The following VPS13B variants were observed in gnomAD, a reference collection of about 807,000 sequenced individuals.
VPS13B encodes intermembrane lipid transfer protein VPS13B.
A neutral mutation model predicts 426.4 loss-of-function variants in VPS13B; 285 were observed. The observed-to-expected ratio is 0.67, with a 90% CI of 0.61 to 0.74. The LOEUF (loss-of-function observed/expected upper bound fraction) is 0.74. Ranked by LOEUF, VPS13B falls within the 30% of genes least tolerant of loss-of-function variation. The probability of loss-of-function intolerance (pLI) is 0.00; values close to 1 mark genes in which losing one functional copy is unlikely to be tolerated. For synonymous variants in VPS13B, 1,676 were observed against 1,676.4 expected (o/e 1.00, Z 0.01); for missense variants, 4,537 against 4,782.6 (o/e 0.95, Z 1.51).
intron 31 of VPS13B, among the ~76,000 whole-genome samples, chr8:99,573,025 G>C (rs1237396845): frequency 6.6e-6 from 1 of 152,122 alleles, no homozygotes; most frequent in African/African-American, 2.4e-5. Context: ...TCTCATTGTG[G>C]TTTTGTTTTG....
At chr8:99,247,957 C>T (rs1817310410) in intron 17 of VPS13B, among the ~76,000 whole-genome samples, 2 of 152,006 alleles carry the variant, frequency 1.3e-5, no homozygotes, top group Non-Finnish European at 2.9e-5. Flanking sequence ...GGGAGGAAAA[C>T]GGAATAGGTT....
At position 99,657,988 on chromosome 8, in the gene VPS13B, A is replaced by G. The variant is rs1166840512; in HGVS notation, c.5909-3366A>G. 2.0e-5 allele frequency among the ~76,000 whole-genome samples: 3 copies of G among 152,186 alleles called. No homozygotes were observed. The East Asian group carries it at 5.8e-4, about 29-fold the overall frequency. On this transcript the variant is annotated intron_variant, in intron 34 of 61. Coordinates refer to ENST00000357162, the MANE Select transcript of VPS13B (RefSeq NM_152564.5). ...CAATTTTTTAAATTTATGCTAATCT[A>G]TGGAAGAAAAATTGTATTTCTTGTT...
intron 14 of VPS13B, among the ~76,000 whole-genome samples, chr8:99,153,903 T>G (rs1182679059): frequency 6.6e-6 from 1 of 151,852 alleles, no homozygotes; most frequent in Non-Finnish European, 1.5e-5. Flanking sequence ...TTTTTTTTTG[T>G]CTGAGAAAGT....
At chr8:99,663,794 ACACTT>A in intron 35 of VPS13B, among the ~76,000 whole-genome samples, 1 of 152,298 alleles carries the variant, frequency 6.6e-6, no homozygotes, top group South Asian at 2.1e-4. Flanking sequence ...GTTTTTAGGC[ACACTT>A]TGCTCATTTT....
intron 31 of VPS13B, among the ~76,000 whole-genome samples, chr8:99,574,980 G>A (rs1245661149): frequency 6.6e-6 from 1 of 152,000 alleles, no homozygotes; most frequent in Non-Finnish European, 1.5e-5. Flanking sequence ...CCTGGGCAAC[G>A]TGAGGAGACT....
intron 39 of VPS13B, among the ~76,000 whole-genome samples, chr8:99,743,872 C>T (rs1809905758): frequency 6.6e-6 from 1 of 152,038 alleles, no homozygotes; most frequent in Non-Finnish European, 1.5e-5. Context: ...CCATAAAAAC[C>T]CAGAAGAAAA....
rs1205319704 is a variant in VPS13B at position 99,134,948 on chromosome 8, C to T, written c.1303-67C>T. On this transcript the variant is annotated intron_variant, in intron 9 of 61. Transcript: ENST00000357162. ...ATGTTTAACTAATTTAGAGATTCTA[C>T]AAGGAAAGCCTCTAACATTTTTATT... 7 of 1,583,352 alleles carry T rather than the reference C, an allele frequency of 4.4e-6. No individual in the cohort carries two copies. The Admixed American group carries it at 5.1e-5, about 11-fold the overall frequency.
At chr8:99,713,475 A>C (rs984749402) in intron 36 of VPS13B, among the ~76,000 whole-genome samples, 3 of 152,228 alleles carry the variant, frequency 2.0e-5, no homozygotes, top group Non-Finnish European at 4.4e-5. Context: ...TCATAGAAAG[A>C]GGTTACAAAT....
intron 39 of VPS13B, among the ~76,000 whole-genome samples, chr8:99,744,750 C>T (rs1477400849): frequency 6.7e-6 from 1 of 149,184 alleles, no homozygotes; most frequent in Non-Finnish European, 1.5e-5. Flanking sequence ...TATTCTCACT[C>T]ATAGGTGGGA....
chr8:99,309,446 C>T (rs557592805), intron 19 of VPS13B, among the ~76,000 whole-genome samples: 2 of 152,280 alleles, frequency 1.3e-5, no homozygotes, highest in South Asian at 4.1e-4. Flanking sequence ...GGAATCCTTT[C>T]CCCATTGCTT....
intron 19 of VPS13B, among the ~76,000 whole-genome samples, chr8:99,355,212 A>AT (rs1430865381): frequency 6.6e-6 from 1 of 152,136 alleles, no homozygotes; most frequent in Admixed American, 6.5e-5. Flanking sequence ...TTCCCCTTTA[A>AT]TGTAAATCAG....
At chr8:99,687,028 G>A (rs183566737) in intron 35 of VPS13B, among the ~76,000 whole-genome samples, 2 of 152,118 alleles carry the variant, frequency 1.3e-5, no homozygotes, top group Admixed American at 6.5e-5. Flanking sequence ...GTATTGCCTG[G>A]GTGCTACTGC....
In VPS13B at chr8:99,274,328, C is replaced by G. The variant is rs369124790; in HGVS notation, c.2646C>G (p.Ala882=). The G allele has an allele frequency of 1.2e-6, 2 of 1,613,872 alleles. No homozygotes were observed. Among genetic ancestry groups the G allele is most frequent in the African/African-American group, 2.7e-5 (2 of 74,864 alleles). Residue 882 remains alanine (A), a synonymous_variant, in exon 18 of 62, where the codon GCC becomes GCG. Coordinates refer to ENST00000357162, the MANE Select transcript of VPS13B (RefSeq NM_152564.5). ...TMGSIKICAK[A]PVDSGKEKLI... ...GATCAATAAAAATTTGTGCCAAAGC[C>G]CCAGGTATGTGCAGCTGGACCGTGT...
At chr8:99,189,215 C>T (rs562459143) in intron 16 of VPS13B, among the ~76,000 whole-genome samples, 3 of 152,216 alleles carry the variant, frequency 2.0e-5, no homozygotes, top group Non-Finnish European at 4.4e-5. Context: ...TCCCAGAGTG[C>T]TGGGATTACA....
At chr8:99,123,534 A>G (rs907216819) in intron 8 of VPS13B, among the ~76,000 whole-genome samples, 1 of 152,168 alleles carries the variant, frequency 6.6e-6, no homozygotes, top group Non-Finnish European at 1.5e-5. Flanking sequence ...GAAGAATTAT[A>G]TGATCTGGGT....
intron 29 of VPS13B, among the ~76,000 whole-genome samples, chr8:99,513,056 T>C (rs1821879670): frequency 6.6e-6 from 1 of 151,224 alleles, no homozygotes; most frequent in South Asian, 2.1e-4. Context: ...TATCTGTAAC[T>C]ATTTTATTAA....
At chr8:99,118,604 A>C (rs2132507485) in intron 7 of VPS13B, among the ~76,000 whole-genome samples, 2 of 152,250 alleles carry the variant, frequency 1.3e-5, no homozygotes, top group South Asian at 4.2e-4. Flanking sequence ...CTGTAGATTT[A>C]GTTTTGCTGA....
chr8:99,684,826 C>T (rs1177839616), intron 35 of VPS13B, among the ~76,000 whole-genome samples: 1 of 152,158 alleles, frequency 6.6e-6, no homozygotes, highest in African/African-American at 2.4e-5. Context: ...TGTTTTGAGA[C>T]AGAGTCTTGC....
At chr8:99,286,559 C>G (rs1482515143) in intron 19 of VPS13B, among the ~76,000 whole-genome samples, 1 of 152,110 alleles carries the variant, frequency 6.6e-6, no homozygotes, top group East Asian at 1.9e-4. Context: ...ACAGAATTTG[C>G]GTACCTTCAG....
Sources: gnomAD v4.1 joint callset for allele counts (sites outside exome capture counted in the v4.1 genomes callset) on GRCh38, gnomAD v4.1.1 for gene constraint, MANE v1.5 for transcripts, NCBI Gene and HGNC (gene_info 2026-07-23, HGNC 2026-07-21) for gene names.